The following MICU2 variants were observed in gnomAD, a reference collection of about 807,000 sequenced individuals.
MICU2 encodes mitochondrial calcium uptake 2.
Under a neutral mutation model 60.4 loss-of-function variants are expected in MICU2, and 64 were observed. The ratio of observed to expected loss-of-function variants is 1.06; its 90% CI spans 0.87 to 1.31. The LOEUF is 1.31. Among genes scored for constraint, MICU2 ranks in the 50% most tolerant of loss-of-function variants. The probability of loss-of-function intolerance (pLI) is 0.00; values close to 1 mark genes in which losing one functional copy is unlikely to be tolerated. For synonymous variants in MICU2, 201 were observed against 175.0 expected, an observed-to-expected ratio of 1.15 and a Z score of -1.17; for missense variants, 569 against 531.0, an observed-to-expected ratio of 1.07 and a Z score of -0.70.
intron 1 of MICU2, among the ~76,000 whole-genome samples, chr13:21,592,504 C>T (rs539370315): frequency 7.1e-5 from 1 of 14,154 alleles, no homozygotes; most frequent in African/African-American, 1.2e-4. Flanking sequence ...TCCTCTCAAA[C>T]TCATTTTATG....
At position 21,592,669 on chromosome 13, in the gene MICU2, G is replaced by A. The variant is rs368442691; in HGVS notation, c.210+11270C>T. 1.5e-4 allele frequency among the ~76,000 whole-genome samples: 23 copies of A among 152,286 alleles called. No individual in the cohort carries two copies. The South Asian group carries it at 4.1e-3, about 27-fold the overall frequency. On this transcript the variant is annotated intron_variant, in intron 1 of 11. Transcript: ENST00000382374. ...GCACATCAAAAAGTTTATCCACCACGATCAAGTCGGTTTCATCCCTGGGAT... is the reference window on the plus strand; with the variant it reads ...GCACATCAAAAAGTTTATCCACCACAATCAAGTCGGTTTCATCCCTGGGAT...
chr13:21,536,452 C>T (rs559317079), intron 4 of MICU2, among the ~76,000 whole-genome samples: 2 of 152,230 alleles, frequency 1.3e-5, no homozygotes, highest in South Asian at 2.1e-4. Flanking sequence ...CTCACCCTCC[C>T]AAGTAGCTGG....
intron 1 of MICU2, among the ~76,000 whole-genome samples, chr13:21,599,119 C>T (rs1888760582): frequency 2.0e-5 from 3 of 152,178 alleles, no homozygotes; most frequent in African/African-American, 7.2e-5. Context: ...CAAAACCACC[C>T]CCACCTCCAT....
chr13:21,501,004 C>G (rs34507694), intron 9 of MICU2, among the ~76,000 whole-genome samples: 27,233 of 152,028 alleles, frequency 0.18, 3,783 homozygotes, highest in East Asian at 0.63. Context: ...TTTTTTGATT[C>G]ATCCTAAATT....
chr13:21,520,757 C>A (rs1886697636), intron 6 of MICU2, among the ~76,000 whole-genome samples: 1 of 151,478 alleles, frequency 6.6e-6, no homozygotes, highest in African/African-American at 2.4e-5. Flanking sequence ...ACCATTTAAA[C>A]ACGTTTTCAG....
chr13:21,519,628 C>A (rs746852739), intron 6 of MICU2, among the ~76,000 whole-genome samples: 1 of 152,162 alleles, frequency 6.6e-6, no homozygotes, highest in Non-Finnish European at 1.5e-5. Flanking sequence ...TTAATTATCA[C>A]CCCTATGAGG....
chr13:21,507,315 G>A (rs1361985826), intron 8 of MICU2, among the ~76,000 whole-genome samples: 1 of 152,102 alleles, frequency 6.6e-6, no homozygotes, highest in Non-Finnish European at 1.5e-5. Flanking sequence ...ACAAGTTAGG[G>A]AATCGTAAAG....
At chr13:21,572,150 C>T (rs1049734990) in intron 1 of MICU2, among the ~76,000 whole-genome samples, 2 of 152,144 alleles carry the variant, frequency 1.3e-5, no homozygotes, top group African/African-American at 2.4e-5. Context: ...ATCTAACAGC[C>T]TGACAGTAAG....
chr13:21,602,040 A>C (rs1450638129), intron 1 of MICU2, among the ~76,000 whole-genome samples: 1 of 151,578 alleles, frequency 6.6e-6, no homozygotes, highest in Non-Finnish European at 1.5e-5. Flanking sequence ...CCGGGGAGTT[A>C]AGAGGTTGTA....
intron 2 of MICU2, among the ~76,000 whole-genome samples, chr13:21,559,339 C>T (rs73443875): frequency 0.054 from 8,176 of 152,178 alleles, 741 homozygotes; most frequent in African/African-American, 0.19. Flanking sequence ...GAGTTGTTTC[C>T]AGCTTTTGCT....
At chr13:21,565,383 C>T (rs1201418013) in intron 2 of MICU2, among the ~76,000 whole-genome samples, 4 of 152,040 alleles carry the variant, frequency 2.6e-5, no homozygotes, top group Non-Finnish European at 4.4e-5. Context: ...CAAGGCTGGG[C>T]GCGGTGGCTC....
At chr13:21,522,759 A>T in intron 4 of MICU2, 109 bp from the exon 5 acceptor site, 1 of 767,668 alleles carries the variant, frequency 1.3e-6, no homozygotes, top group Non-Finnish European at 2.0e-6. Context: ...ACTTTAAATT[A>T]CCTCTCTTTG....
rs111899635 is a variant in MICU2 at position 21,493,784 on chromosome 13, TA to T, written c.1201-432del. Among the ~76,000 whole-genome samples, 1,353 of 142,768 alleles carry T rather than the reference TA, an allele frequency of 9.5e-3. 9 individuals carry two copies. Among genetic ancestry groups the T allele is most frequent in the African/African-American group, 0.023 (921 of 39,398 alleles). The allele number at this position is 142,768 out of a possible 152,430, so 93.7% of individuals were successfully genotyped here. On this transcript the variant is annotated intron_variant, in intron 11 of 11. Coordinates refer to ENST00000382374, the MANE Select transcript of MICU2 (RefSeq NM_152726.3). ...GCTTTGATTTAACATTGGCTAAAAT[TA>T]AAAAAAAAAAAGGCCACAAAGTATT...
At chr13:21,588,624 G>C (rs1191385328) in intron 1 of MICU2, among the ~76,000 whole-genome samples, 1 of 152,158 alleles carries the variant, frequency 6.6e-6, no homozygotes, top group Non-Finnish European at 1.5e-5. Context: ...GTCAGCCCTT[G>C]TTCATCCCCA....
rs776483918 is a variant in MICU2, at chr13:21,496,175, GTTT to G, written c.934-18_934-16del. 4.5e-6 allele frequency: 7 copies of G among 1,564,468 alleles called. No homozygotes were observed. Among genetic ancestry groups the G allele is most frequent in the Non-Finnish European group, 6.1e-6 (7 of 1,141,858 alleles). ...AAACTAATGCTCTAATAAAGTAAGA[GTTT>G]TTATTACAATTTTGTAAGTACATTA... On this transcript the variant is annotated splice_polypyrimidine_tract_variant and intron_variant, in intron 9 of 11. Transcript: ENST00000382374.
intron 1 of MICU2, among the ~76,000 whole-genome samples, chr13:21,601,934 G>A (rs1332232556): frequency 6.7e-6 from 1 of 149,054 alleles, no homozygotes; most frequent in African/African-American, 2.5e-5. Flanking sequence ...TGAAACCCCG[G>A]CTCTACTAAC....
chr13:21,601,756 T>C (rs1045773939), intron 1 of MICU2, among the ~76,000 whole-genome samples: 44 of 152,292 alleles, frequency 2.9e-4, no homozygotes, highest in African/African-American at 1.1e-3. Flanking sequence ...GGAAGGTGCC[T>C]GAGTAGTGTC....
chr13:21,521,417 C>A, intron 5 of MICU2, 90 bp from the exon 6 acceptor site: 1 of 952,788 alleles, frequency 1.0e-6, no homozygotes, highest in Non-Finnish European at 1.6e-6. Flanking sequence ...CATACACTAG[C>A]AGAAACTGTA....
At chr13:21,552,293 T>C (rs1398480434) in intron 2 of MICU2, among the ~76,000 whole-genome samples, 2 of 152,190 alleles carry the variant, frequency 1.3e-5, no homozygotes, top group Non-Finnish European at 2.9e-5. Flanking sequence ...TTTTTTCTTG[T>C]AAATTTGTTT....
Sources: gnomAD v4.1 joint callset for allele counts (sites outside exome capture counted in the v4.1 genomes callset) on GRCh38, gnomAD v4.1.1 for gene constraint, MANE v1.5 for transcripts, NCBI Gene and HGNC (gene_info 2026-07-23, HGNC 2026-07-21) for gene names.